KCNN3: variants seen among roughly 807,000 people sequenced by gnomAD.
KCNN3 encodes the protein potassium calcium-activated channel subfamily N member 3.
KCNN3 carries 16 observed loss-of-function variants against 62.9 expected under a neutral mutation model. That is an observed-to-expected ratio of 0.25 (90% CI 0.17 to 0.39). The LOEUF (loss-of-function observed/expected upper bound fraction) is 0.39, where lower values mean the gene tolerates loss of function less well. Among genes scored for constraint, KCNN3 ranks in the 10% least tolerant of loss-of-function variants. The probability of loss-of-function intolerance (pLI) is 1.00; values close to 1 mark genes in which losing one functional copy is unlikely to be tolerated. For synonymous variants in KCNN3, 370 were observed against 389.2 expected (o/e 0.95, Z 0.58); for missense variants, 599 against 949.4 (o/e 0.63, Z 4.85).
Position 154,732,330 on chromosome 1 carries a change from G to A in KCNN3, c.1590+673C>T, listed in dbSNP as rs557493332. ...GTGTGGGTGGTAGGGCACTGGGCAG[G>A]AGAGATACACCTTGAAAGGGCACGG... On this transcript the variant is annotated intron_variant, in intron 4 of 7. Coordinates refer to ENST00000271915, the MANE Select transcript of KCNN3 (RefSeq NM_002249.6). 3.8e-4 allele frequency among the ~76,000 whole-genome samples: 58 copies of A among 152,364 alleles called. No homozygotes were observed. The South Asian group carries it at 4.6e-3, about 12-fold the overall frequency.
intron 2 of KCNN3, among the ~76,000 whole-genome samples, chr1:154,812,406 CCA>C (rs1650446163): frequency 6.6e-6 from 1 of 152,106 alleles, no homozygotes; most frequent in Non-Finnish European, 1.5e-5. Flanking sequence ...TATCCCTCCC[CCA>C]TCCCCCCACC....
At chr1:154,764,562 C>A (rs1169696451) in intron 3 of KCNN3, among the ~76,000 whole-genome samples, 1 of 152,110 alleles carries the variant, frequency 6.6e-6, no homozygotes, top group Non-Finnish European at 1.5e-5. Flanking sequence ...AAAAATATTT[C>A]TCTGATTGCT....
chr1:154,740,936 C>T (rs1338728885), intron 3 of KCNN3, among the ~76,000 whole-genome samples: 1 of 152,056 alleles, frequency 6.6e-6, no homozygotes, highest in Non-Finnish European at 1.5e-5. Flanking sequence ...TGTGCCTTGC[C>T]TTTTTCTCTA....
intron 4 of KCNN3, 62 bp from the exon 5 acceptor site, chr1:154,726,088 A>T: frequency 7.8e-7 from 1 of 1,286,424 alleles, no homozygotes; most frequent in Non-Finnish European, 1.1e-6. Flanking sequence ...GCAAGATGAG[A>T]GACTCAACAC....
At chr1:154,812,984 C>T (rs1344029642) in intron 2 of KCNN3, among the ~76,000 whole-genome samples, 1 of 152,230 alleles carries the variant, frequency 6.6e-6, no homozygotes, top group Non-Finnish European at 1.5e-5. Context: ...GGCAGTGCCC[C>T]TCAGACATGG....
chr1:154,724,350 G>C (rs919311316), intron 5 of KCNN3, among the ~76,000 whole-genome samples: 19 of 152,164 alleles, frequency 1.2e-4, no homozygotes, highest in African/African-American at 4.6e-4. Context: ...ATTAATCACT[G>C]AATATTTTCT....
At chr1:154,774,198 T>C (rs1648697349) in intron 2 of KCNN3, among the ~76,000 whole-genome samples, 4 of 152,236 alleles carry the variant, frequency 2.6e-5, no homozygotes, top group Admixed American at 6.5e-5. Context: ...GCATTATTAA[T>C]GGATCTGGTC....
rs1652820307 is a variant in KCNN3 at position 154,862,959 on chromosome 1, A to G, written c.933+6073T>C. On this transcript the variant is annotated intron_variant, in intron 1 of 7. Coordinates refer to ENST00000271915, the MANE Select transcript of KCNN3 (RefSeq NM_002249.6). This position sits in a 1 kb window ranked among gnomAD's most constrained non-coding sequence, Gnocchi z 4.1. ...CTTGGGTTCTTATCTCAGTGCCACC[A>G]CCGCTGGCAGTGTCAGTGTGGCCCG... is the stretch of plus-strand genomic sequence containing the variant. 6.6e-6 allele frequency among the ~76,000 whole-genome samples: 1 copy of G among 152,080 alleles called. No individual in the cohort carries two copies.
rs945149493 is a variant in KCNN3, at chr1:154,791,484, G to A, written c.1030-19091C>T. On this transcript the variant is annotated intron_variant, in intron 2 of 7. Transcript: ENST00000271915. Reference sequence around the variant, plus strand: ...ACACTTCTAGAAGCCCTGCACACCGGAGAGTAAGCAACCAGCCCAAGCCTG... The same window carrying A: ...ACACTTCTAGAAGCCCTGCACACCGAAGAGTAAGCAACCAGCCCAAGCCTG... 3.3e-5 allele frequency among the ~76,000 whole-genome samples: 5 copies of A among 152,064 alleles called. No homozygotes were observed. In the East Asian group the frequency reaches 9.6e-4, roughly 29 times the overall value.
intron 1 of KCNN3, among the ~76,000 whole-genome samples, chr1:154,828,252 C>A (rs1651219212): frequency 6.6e-6 from 1 of 152,146 alleles, no homozygotes; most frequent in African/African-American, 2.4e-5. Flanking sequence ...CTGGACAGAA[C>A]CTTCTCCGAA....
At chr1:154,727,041 G>A (rs1700483943) in intron 4 of KCNN3, among the ~76,000 whole-genome samples, 1 of 152,208 alleles carries the variant, frequency 6.6e-6, no homozygotes, top group African/African-American at 2.4e-5. Context: ...TGGTTGGCTT[G>A]TGAGCATAGG....
intron 2 of KCNN3, among the ~76,000 whole-genome samples, chr1:154,777,693 G>C (rs1319227922): frequency 6.6e-6 from 1 of 152,208 alleles, no homozygotes; most frequent in African/African-American, 2.4e-5. Flanking sequence ...CTCCCCTAGG[G>C]CTTAGTCTCA....
At position 154,707,721 on chromosome 1, in the gene KCNN3, G is replaced by C. The variant is rs1313534470; in HGVS notation, c.*255C>G. The C allele has an allele frequency of 1.3e-5, 6 of 466,228 alleles. No homozygotes were observed. Among genetic ancestry groups the C allele is most frequent in the Non-Finnish European group, 2.3e-5 (6 of 263,586 alleles). 28.9% of individuals were successfully genotyped at this position (466,228 alleles called of 1,614,324 possible). Reference sequence around the variant, plus strand: ...CTGTTCTCCACCAACTCTGCAGCAAGGGCCCTGCCAGAGGCGTCGCTTCCT... The same window carrying C: ...CTGTTCTCCACCAACTCTGCAGCAACGGCCCTGCCAGAGGCGTCGCTTCCT... On this transcript the variant is annotated 3_prime_UTR_variant, in exon 8 of 8. Coordinates refer to ENST00000271915, the MANE Select transcript of KCNN3 (RefSeq NM_002249.6).
intron 3 of KCNN3, among the ~76,000 whole-genome samples, chr1:154,734,174 G>T (rs1027305416): frequency 1.3e-5 from 2 of 152,218 alleles, no homozygotes; most frequent in African/African-American, 2.4e-5. Context: ...CTGGTTGCAG[G>T]CTGGGTGGCA....
intron 1 of KCNN3, among the ~76,000 whole-genome samples, chr1:154,846,617 C>T (rs1346305107): frequency 6.6e-6 from 1 of 152,206 alleles, no homozygotes; most frequent in Non-Finnish European, 1.5e-5. Context: ...TGCTCCCCTG[C>T]CCCTTGGTAC....
intron 5 of KCNN3, among the ~76,000 whole-genome samples, chr1:154,720,875 G>T (rs1345377804): frequency 6.6e-6 from 1 of 152,164 alleles, no homozygotes; most frequent in African/African-American, 2.4e-5. Context: ...GGAGAGGCGG[G>T]CATGCGTGAA....
intron 7 of KCNN3, among the ~76,000 whole-genome samples, chr1:154,711,948 GAGAC>G (rs1313996916): frequency 6.6e-6 from 1 of 151,786 alleles, no homozygotes; most frequent in Non-Finnish European, 1.5e-5. Context: ...GAGGAAGAGA[GAGAC>G]AGGGAAAGGG....
At chr1:154,855,521 G>A (rs1333773207) in intron 1 of KCNN3, among the ~76,000 whole-genome samples, 1 of 152,102 alleles carries the variant, frequency 6.6e-6, no homozygotes, top group Non-Finnish European at 1.5e-5. Flanking sequence ...ATACATACTT[G>A]CCATTGTGTT....
chr1:154,740,603 C>T (rs530073922), intron 3 of KCNN3, among the ~76,000 whole-genome samples: 34 of 152,344 alleles, frequency 2.2e-4, no homozygotes, highest in African/African-American at 7.9e-4. Context: ...AATTAGGCTT[C>T]CACCAGAGGT....
Sources: allele counts gnomAD v4.1 joint callset (sites outside exome capture counted in the v4.1 genomes callset), GRCh38; gene constraint gnomAD v4.1.1; non-coding constraint Gnocchi (gnomAD v3.1); transcripts MANE v1.5; gene names NCBI Gene and HGNC (gene_info 2026-07-23, HGNC 2026-07-21).